Variants in RUNX3 observed in about 807,000 individuals in gnomAD.
RUNX3 encodes the protein RUNX family transcription factor 3.
RUNX3 carries 10 observed loss-of-function variants against 27.7 expected under a neutral mutation model. The ratio of observed to expected loss-of-function variants is 0.36; its 90% CI spans 0.22 to 0.61. The LOEUF (loss-of-function observed/expected upper bound fraction) is 0.61. RUNX3 is among the 20% of genes least tolerant of loss of function. The pLI is 0.72. For missense variants in RUNX3, 469 were observed against 629.5 expected, an observed-to-expected ratio of 0.75 and a Z score of 2.73; for synonymous variants, 270 against 269.2, an observed-to-expected ratio of 1.00 and a Z score of -0.03.
intron 2 of RUNX3, among the ~76,000 whole-genome samples, chr1:24,948,980 T>C (rs992391659): frequency 4.6e-5 from 7 of 151,828 alleles, no homozygotes; most frequent in African/African-American, 1.7e-4. Context: ...ACAAATAATA[T>C]GAGCACAATG....
At chr1:24,934,552 G>A (rs1351708026), upstream of RUNX3, among the ~76,000 whole-genome samples, 1 of 152,140 alleles carries the variant, frequency 6.6e-6, no homozygotes, top group African/African-American at 2.4e-5. Context: ...AACAGCTGGG[G>A]GTGCTGAGGC....
At position 24,962,623 on chromosome 1, in the gene RUNX3, G is replaced by A. The variant is rs1008176118; in HGVS notation, c.58+1891C>T. Among the ~76,000 whole-genome samples the A allele has an allele frequency of 2.0e-5, 3 of 152,188 alleles. No individual in the cohort carries two copies. Among genetic ancestry groups the A allele is most frequent in the Non-Finnish European group, 4.4e-5 (3 of 68,028 alleles). ...CCACAAAAGTGGAGGGAAGGCCCTC[G>A]GGCCACAGACCCCAGATCCAAACAT... is the stretch of plus-strand genomic sequence containing the variant. On this transcript the variant is annotated intron_variant, in intron 2 of 6. Coordinates refer to the RUNX3 transcript ENST00000338888. This position sits in a 1 kb window ranked among gnomAD's most constrained non-coding sequence, Gnocchi z 4.5.
chr1:24,941,163 T>C (rs920361747), intron 2 of RUNX3, among the ~76,000 whole-genome samples: 5 of 152,150 alleles, frequency 3.3e-5, no homozygotes, highest in African/African-American at 1.2e-4. Context: ...GCTGTCCTCA[T>C]CATGGCAACC....
chr1:24,917,743 G>T (rs187890910), intron 3 of RUNX3, among the ~76,000 whole-genome samples: 1 of 152,176 alleles, frequency 6.6e-6, no homozygotes, highest in African/African-American at 2.4e-5. Context: ...ACTGAGGCAC[G>T]GAGATGACTA....
chr1:24,963,906 C>T (rs575548186), intron 2 of RUNX3, among the ~76,000 whole-genome samples: 3 of 152,320 alleles, frequency 2.0e-5, no homozygotes, highest in Non-Finnish European at 2.9e-5. Flanking sequence ...TCTCCTCTTC[C>T]GTGGCCAAAT....
chr1:24,915,641 G>A (rs1640875224), intron 3 of RUNX3, among the ~76,000 whole-genome samples: 1 of 152,130 alleles, frequency 6.6e-6, no homozygotes, highest in African/African-American at 2.4e-5. Context: ...AGTGTGCCAT[G>A]CATCTGGGGG....
At chr1:24,933,573 C>T (rs572311281), upstream of RUNX3, among the ~76,000 whole-genome samples, 3 of 152,324 alleles carry the variant, frequency 2.0e-5, no homozygotes, top group East Asian at 5.8e-4. Context: ...CGCCCACAGG[C>T]TGCCTGGGGG....
chr1:24,961,661 C>T (rs1051519916), intron 2 of RUNX3: 3 of 152,176 alleles, frequency 2.0e-5, no homozygotes, highest in Non-Finnish European at 4.4e-5. Context: ...CCACACCTGC[C>T]CAGGCCCAAA....
chr1:24,933,276 A>T (rs1459864745), upstream of RUNX3, among the ~76,000 whole-genome samples: 2 of 152,158 alleles, frequency 1.3e-5, no homozygotes, highest in African/African-American at 4.8e-5. Flanking sequence ...AAGTTGCCTA[A>T]ACCTCTCTGA....
At position 24,900,956 on chromosome 1, in the gene RUNX3, C is replaced by G. The variant is rs754356293; in HGVS notation, c.*1166G>C. 5.9e-5 allele frequency: 9 copies of G among 151,446 alleles called. No individual in the cohort carries two copies. The highest frequency in any genetic ancestry group is 1.2e-4 in the Non-Finnish European group (8 of 67,964). The allele number at this position is 151,446 out of a possible 1,614,324, so 9.4% of individuals were successfully genotyped here. A position where few individuals can be genotyped will look rare whatever the true frequency, so the allele number is the denominator to read the frequency against. On this transcript the variant is annotated 3_prime_UTR_variant, in exon 5 of 5. Coordinates refer to ENST00000308873, the MANE Select transcript of RUNX3 (RefSeq NM_004350.3). ...TCACGGAACTATACCTGTAAGAGAC[C>G]TTGTGTTTGAAAACGTTAGATTAAG...
intron 2 of RUNX3, among the ~76,000 whole-genome samples, chr1:24,926,759 T>C (rs984890651): frequency 2.6e-5 from 4 of 152,166 alleles, no homozygotes; most frequent in African/African-American, 9.7e-5. Context: ...GCCTGGTGCT[T>C]GGGAAGGGCG....
At chr1:24,959,043 G>A (rs999227638) in intron 2 of RUNX3, among the ~76,000 whole-genome samples, 1 of 152,232 alleles carries the variant, frequency 6.6e-6, no homozygotes, top group Non-Finnish European at 1.5e-5. Context: ...GCAAGGCCGG[G>A]GTCAGAGGCT....
intron 2 of RUNX3, chr1:24,964,421 G>T: frequency 1.0e-6 from 1 of 1,000,180 alleles, no homozygotes; most frequent in Non-Finnish European, 1.5e-6. Context: ...GACAGGCTGT[G>T]CGCTTGAGGG....
intron 1 of RUNX3, 56 bp downstream of exon 1, chr1:24,929,531 C>A: frequency 1.3e-6 from 2 of 1,507,568 alleles, no homozygotes; most frequent in Non-Finnish European, 9.0e-7. Context: ...GCTCCCGCAG[C>A]TCAGACGCCC....
At chr1:24,925,086 A>G (rs1641073751) in intron 2 of RUNX3, among the ~76,000 whole-genome samples, 1 of 152,208 alleles carries the variant, frequency 6.6e-6, no homozygotes, top group South Asian at 2.1e-4. Flanking sequence ...AGACCCAGGC[A>G]AGGGTTCTGG....
At chr1:24,939,811 T>C (rs954700179) in intron 2 of RUNX3, among the ~76,000 whole-genome samples, 2 of 151,948 alleles carry the variant, frequency 1.3e-5, no homozygotes, top group African/African-American at 4.8e-5. Flanking sequence ...AGGGGAGAAG[T>C]GGGAGGGTTG....
At chr1:24,924,951 G>A (rs1435607552) in intron 2 of RUNX3, among the ~76,000 whole-genome samples, 2 of 152,094 alleles carry the variant, frequency 1.3e-5, no homozygotes, top group Non-Finnish European at 2.9e-5. Flanking sequence ...GAGCTCTGTG[G>A]TGTTACTGGG....
intron 2 of RUNX3, among the ~76,000 whole-genome samples, chr1:24,938,449 G>A (rs922249392): frequency 6.6e-6 from 1 of 152,156 alleles, no homozygotes; most frequent in Admixed American, 6.5e-5. Context: ...CCTGTCAGCT[G>A]GCCCGGTTGC....
At chr1:24,913,848 CCT>C (rs1341637946) in intron 3 of RUNX3, among the ~76,000 whole-genome samples, 17 of 152,222 alleles carry the variant, frequency 1.1e-4, no homozygotes, top group Non-Finnish European at 2.1e-4. Context: ...AGGGTTACCC[CCT>C]TGCCTCCATG....
Sources: allele counts gnomAD v4.1 joint callset (sites outside exome capture counted in the v4.1 genomes callset), GRCh38; gene constraint gnomAD v4.1.1; non-coding constraint Gnocchi (gnomAD v3.1); transcripts MANE v1.5; gene names NCBI Gene and HGNC (gene_info 2026-07-23, HGNC 2026-07-21).